Variants in ANKS1B observed in about 807,000 individuals in gnomAD.
The protein encoded by ANKS1B is ankyrin repeat and sterile alpha motif domain containing 1B.
ANKS1B carries 36 observed loss-of-function variants against 148.3 expected under a neutral mutation model. That is an observed-to-expected ratio of 0.24 (90% CI 0.19 to 0.32). The LOEUF is 0.32. ANKS1B is among the 10% of genes least tolerant of loss of function. The pLI, the probability that ANKS1B is intolerant of heterozygous loss-of-function variation, is 1.00. For missense variants in ANKS1B, 1,157 were observed against 1,542.6 expected (o/e 0.75, Z 4.19); for synonymous variants, 542 against 560.8 (o/e 0.97, Z 0.47).
chr12:99,001,100 G>T (rs979790009), intron 17 of ANKS1B, among the ~76,000 whole-genome samples: 4 of 151,824 alleles, frequency 2.6e-5, no homozygotes, highest in African/African-American at 9.7e-5. Flanking sequence ...GTGAACAGTG[G>T]GATACTAATA....
At chr12:99,902,228 A>G (rs916147541) in intron 1 of ANKS1B, among the ~76,000 whole-genome samples, 2 of 152,192 alleles carry the variant, frequency 1.3e-5, no homozygotes, top group African/African-American at 4.8e-5. Context: ...CTGAAATATA[A>G]AAAGAAAGAA....
intron 12 of ANKS1B, among the ~76,000 whole-genome samples, chr12:99,280,389 T>C (rs2078257393): frequency 6.6e-6 from 1 of 152,156 alleles, no homozygotes; most frequent in African/African-American, 2.4e-5. Context: ...CTGTCCTTTA[T>C]AGGTAGGTGA....
intron 10 of ANKS1B, 111 bp downstream of exon 10, chr12:99,504,365 G>T: frequency 9.1e-7 from 1 of 1,098,484 alleles, no homozygotes; most frequent in Non-Finnish European, 1.3e-6. Context: ...GAACTACATT[G>T]GGGGAACTTT....
At chr12:98,746,978 T>C (rs147799129) in intron 26 of ANKS1B, among the ~76,000 whole-genome samples, 4 of 152,166 alleles carry the variant, frequency 2.6e-5, no homozygotes, top group African/African-American at 9.6e-5. Flanking sequence ...AAGAAAACAT[T>C]GGGGAAACAC....
chr12:98,989,744 T>C (rs2099925426), intron 17 of ANKS1B, among the ~76,000 whole-genome samples: 1 of 151,942 alleles, frequency 6.6e-6, no homozygotes, highest in Non-Finnish European at 1.5e-5. Context: ...TTTTGAAAAA[T>C]TAGCTGGGTG....
chr12:99,334,185 GATAGATAC>G (rs142004241), intron 12 of ANKS1B, among the ~76,000 whole-genome samples: 13,542 of 149,928 alleles, frequency 0.09, 1,249 homozygotes, highest in African/African-American at 0.23. Flanking sequence ...CAGACAGATA[GATAGATAC>G]ATAGATACAT....
At chr12:99,465,526 G>A (rs1177014995) in intron 10 of ANKS1B, among the ~76,000 whole-genome samples, 2 of 151,722 alleles carry the variant, frequency 1.3e-5, no homozygotes, top group African/African-American at 4.8e-5. Context: ...AGACCCATCA[G>A]TGTGCTGTAT....
chr12:99,365,814 T>C (rs2092733158), intron 12 of ANKS1B, among the ~76,000 whole-genome samples: 1 of 151,966 alleles, frequency 6.6e-6, no homozygotes, highest in Non-Finnish European at 1.5e-5. Flanking sequence ...TAAATATTAA[T>C]AGTACAAGAG....
At chr12:99,468,393 T>A (rs1402025801) in intron 10 of ANKS1B, among the ~76,000 whole-genome samples, 2 of 152,098 alleles carry the variant, frequency 1.3e-5, no homozygotes, top group East Asian at 3.9e-4. Flanking sequence ...GGACTTCATG[T>A]CTAAAACAGC....
chr12:98,876,538 T>G (rs2099690848), intron 17 of ANKS1B, among the ~76,000 whole-genome samples: 1 of 152,240 alleles, frequency 6.6e-6, no homozygotes. Flanking sequence ...GTCTTTGTAT[T>G]CTGGGATTCT....
intron 1 of ANKS1B, among the ~76,000 whole-genome samples, chr12:99,867,622 G>A (rs1332386378): frequency 9.2e-5 from 14 of 152,060 alleles, no homozygotes; most frequent in Admixed American, 9.2e-4. Flanking sequence ...ACAGTATGTG[G>A]GAAACCACCC....
chr12:99,189,258 A>G (rs1396800525), intron 14 of ANKS1B, among the ~76,000 whole-genome samples: 2 of 152,118 alleles, frequency 1.3e-5, no homozygotes, highest in Non-Finnish European at 2.9e-5. Flanking sequence ...GAATTCTACC[A>G]GTGGTGCAAA....
At chr12:98,935,783 T>C (rs1482990138) in intron 17 of ANKS1B, among the ~76,000 whole-genome samples, 1 of 152,202 alleles carries the variant, frequency 6.6e-6, no homozygotes, top group Non-Finnish European at 1.5e-5. Context: ...GGATTCTATT[T>C]GTGGGTCTCT....
chr12:99,056,167 G>A (rs2040142840), intron 16 of ANKS1B, among the ~76,000 whole-genome samples: 1 of 152,082 alleles, frequency 6.6e-6, no homozygotes, highest in Admixed American at 6.5e-5. Context: ...TTGTGGAAAT[G>A]GTAGAGAACA....
At chr12:99,620,632 A>T (rs1843233747) in intron 9 of ANKS1B, among the ~76,000 whole-genome samples, 1 of 152,118 alleles carries the variant, frequency 6.6e-6, no homozygotes, top group Non-Finnish European at 1.5e-5. Context: ...TCACCAATTG[A>T]CTCGACCAAG....
chr12:99,311,721 T>C (rs2083202888), intron 12 of ANKS1B, among the ~76,000 whole-genome samples: 2 of 152,186 alleles, frequency 1.3e-5, no homozygotes, highest in South Asian at 4.2e-4. Context: ...TTATGTTTTA[T>C]AATCACAAAA....
At chr12:99,688,137 A>G (rs2098659889) in intron 8 of ANKS1B, among the ~76,000 whole-genome samples, 1 of 152,182 alleles carries the variant, frequency 6.6e-6, no homozygotes, top group Non-Finnish European at 1.5e-5. Context: ...AATATAAAAC[A>G]TTCCCCACTC....
intron 14 of ANKS1B, among the ~76,000 whole-genome samples, chr12:99,189,069 CATAA>C (rs1278521994): frequency 1.3e-5 from 2 of 152,136 alleles, no homozygotes; most frequent in Non-Finnish European, 2.9e-5. Flanking sequence ...AACACCTCTA[CATAA>C]ATAAACTAGA....
chr12:99,086,761 C>T (rs1349718372), intron 15 of ANKS1B, among the ~76,000 whole-genome samples: 2 of 152,102 alleles, frequency 1.3e-5, no homozygotes, highest in East Asian at 1.9e-4. Context: ...TAAATTGAGG[C>T]GTCTATAGAG....
Sources: allele counts gnomAD v4.1 joint callset (sites outside exome capture counted in the v4.1 genomes callset), GRCh38; gene constraint gnomAD v4.1.1; transcripts MANE v1.5; gene names NCBI Gene and HGNC (gene_info 2026-07-23, HGNC 2026-07-21).